Variants in GAB4 observed in about 807,000 individuals in gnomAD.
GAB4 encodes GRB2 associated binding protein family member 4, also known as GRB2-associated-binding protein 4.
In GAB4, 26 loss-of-function variants were observed where a neutral mutation model predicts 51.3. The observed-to-expected ratio is 0.51, with a 90% CI of 0.37 to 0.70. GAB4 has a LOEUF of 0.70. Ranked by LOEUF, GAB4 falls within the 30% of genes least tolerant of loss-of-function variation. GAB4 has a pLI of 0.00. For missense variants in GAB4, 759 were observed against 734.6 expected (o/e 1.03, Z -0.38); for synonymous variants, 329 against 291.2 (o/e 1.13, Z -1.32).
intron 3 of GAB4, among the ~76,000 whole-genome samples, chr22:16,986,243 T>C (rs2060866327): frequency 6.6e-6 from 1 of 152,192 alleles, no homozygotes; most frequent in South Asian, 2.1e-4. Context: ...GGCAGGACTG[T>C]AGGACCCACC....
At position 16,964,770 on chromosome 22, in the gene GAB4, A is replaced by T; in HGVS notation, c.1472T>A (p.Phe491Tyr). The T allele has an allele frequency of 6.2e-7, 1 of 1,610,662 alleles. No individual in the cohort carries two copies. Among genetic ancestry groups the T allele is most frequent in the Non-Finnish European group, 8.5e-7 (1 of 1,177,064 alleles). ...CAGTGACCCCCAAGGACTCACCGGG[A>T]AAAGATACCTCTCTCCACTGTCTTC... is the stretch of plus-strand genomic sequence containing the variant. ...DSEDSGERYL[F>Y]PNPASAFPVS... is the part of the protein sequence containing the mutation. The change falls in exon 8 of 10, where the codon TTC becomes TAC. Residue 491 changes from phenylalanine (F) to tyrosine (Y), a missense_variant. Phe to Tyr is a conservative substitution (Grantham distance 22, BLOSUM62 3). Coordinates refer to ENST00000400588, the MANE Select transcript of GAB4 (RefSeq NM_001037814.1).
At chr22:16,970,648 G>T (rs2060723123) in intron 3 of GAB4, among the ~76,000 whole-genome samples, 1 of 152,142 alleles carries the variant, frequency 6.6e-6, no homozygotes, top group Admixed American at 6.5e-5. Context: ...GGTGGGGAGA[G>T]CTTTGAAGTG....
At chr22:16,968,599 C>G (rs1429242984) in intron 4 of GAB4, among the ~76,000 whole-genome samples, 1 of 152,116 alleles carries the variant, frequency 6.6e-6, no homozygotes, top group East Asian at 1.9e-4. Flanking sequence ...ACACAGTGTC[C>G]CTCCTGGATG....
At chr22:16,996,547 G>T (rs2060950540) in intron 1 of GAB4, among the ~76,000 whole-genome samples, 1 of 152,114 alleles carries the variant, frequency 6.6e-6, no homozygotes, top group Admixed American at 6.5e-5. Context: ...AAATGGTAAG[G>T]GCAGCCAGAG....
chr22:16,966,573 G>A, intron 5 of GAB4: 1 of 570,872 alleles, frequency 1.8e-6, no homozygotes, highest in Non-Finnish European at 3.1e-6. Flanking sequence ...GGCCCCTCTG[G>A]GCAGCCTCAG....
intron 1 of GAB4, among the ~76,000 whole-genome samples, chr22:17,005,806 C>T (rs2061035852): frequency 6.6e-6 from 1 of 152,162 alleles, no homozygotes; most frequent in South Asian, 2.1e-4. Context: ...GGGCAGAAAA[C>T]TGAAAGTGGA....
In GAB4 at chr22:16,963,817, C is replaced by T. The variant is rs1297094159; in HGVS notation, c.1489G>A (p.Ala497Thr). The T allele has an allele frequency of 6.2e-7, 1 of 1,613,698 alleles. No individual in the cohort carries two copies. The highest frequency in any genetic ancestry group is 8.5e-7 in the Non-Finnish European group (1 of 1,179,822). Residue 497 changes from alanine to threonine, a missense_variant, in exon 9 of 10, where the codon GCA (alanine) becomes ACA (threonine). Physicochemically the swap from Ala to Thr is moderately conservative, Grantham distance 58. Coordinates refer to ENST00000400588, the MANE Select transcript of GAB4 (RefSeq NM_001037814.1). Reference sequence around the variant, plus strand: ...CTGGTGCCACCGGAAACAGGAAATGCAGATGCCGGGTTCTGCTGTCACAAG... The same window carrying T: ...CTGGTGCCACCGGAAACAGGAAATGTAGATGCCGGGTTCTGCTGTCACAAG... ...ERYLFPNPAS[A>T]FPVSGGTSSS...
intron 1 of GAB4, among the ~76,000 whole-genome samples, chr22:17,003,549 T>C (rs950493650): frequency 3.3e-5 from 5 of 152,120 alleles, no homozygotes; most frequent in Admixed American, 1.3e-4. Flanking sequence ...CACAACTACA[T>C]GGAAACTGAA....
rs368140874 is a variant in GAB4, at chr22:16,970,014, C to A, written c.866G>T (p.Arg289Ile). ...HNAEFRGSTH[R>I]IPWSLASHGH... ...ATGGGAGGCCAGGCTCCAGGGGATT[C>A]TGTGGGTGCTGCCTCTGAATTCTGC... The change falls in exon 4 of 10, where the codon AGA (arginine) becomes ATA (isoleucine). Residue 289 changes from arginine (R) to isoleucine (I), a missense_variant. Around this residue, in one of 3 missense-constraint regions of GAB4, gnomAD observed 588 missense variants for 510.2 expected, o/e 1.15. Transcript: ENST00000400588. 58 of 1,614,052 alleles carry A rather than the reference C, an allele frequency of 3.6e-5. No homozygotes were observed. The highest frequency in any genetic ancestry group is 4.3e-5 in the Non-Finnish European group (51 of 1,180,028).
intron 4 of GAB4, chr22:16,969,579 C>A: frequency 2.0e-6 from 1 of 496,176 alleles, no homozygotes; most frequent in South Asian, 4.6e-5. Context: ...CACCTCCCCT[C>A]TCCCTCTGGG....
intron 4 of GAB4, 99 bp from the exon 5 acceptor site, chr22:16,968,482 T>C: frequency 1.2e-6 from 1 of 827,156 alleles, no homozygotes; most frequent in Non-Finnish European, 2.1e-6. Context: ...GCTGATGCTC[T>C]AGAGGACACG....
chr22:16,969,690 C>T (rs1387081087), intron 4 of GAB4: 3 of 651,390 alleles, frequency 4.6e-6, no homozygotes, highest in Non-Finnish European at 8.2e-6. Context: ...CCACCTGCTA[C>T]TTTCACTGAC....
chr22:16,963,562 A>G (rs537609782), intron 9 of GAB4, among the ~76,000 whole-genome samples, 163 bp downstream of exon 9: 3 of 152,158 alleles, frequency 2.0e-5, no homozygotes, highest in African/African-American at 7.2e-5. Context: ...AAGGAACAGG[A>G]GCCCCGAGAT....
chr22:16,967,986 T>A (rs1428158190), intron 5 of GAB4, among the ~76,000 whole-genome samples: 1 of 152,128 alleles, frequency 6.6e-6, no homozygotes, highest in African/African-American at 2.4e-5. Flanking sequence ...GCACTCCTGC[T>A]CCAGGGGACC....
intron 1 of GAB4, among the ~76,000 whole-genome samples, chr22:16,993,541 C>G (rs1280435773): frequency 6.6e-6 from 1 of 152,100 alleles, no homozygotes; most frequent in African/African-American, 2.4e-5. Flanking sequence ...ATAATCATAC[C>G]TTTGCTTCTT....
At position 16,962,556 on chromosome 22, in the gene GAB4, G is replaced by A; in HGVS notation, c.*177C>T. On this transcript the variant is annotated 3_prime_UTR_variant, in exon 10 of 10. Transcript: ENST00000400588. ...AACTGCTCCTAGCAAGGGGGTGAAG[G>A]TGGGGACCATGGCCAGCCAAAGGCA... 2.1e-6 allele frequency: 1 copy of A among 476,842 alleles called. No homozygotes were observed. Among genetic ancestry groups the A allele is most frequent in the Non-Finnish European group, 3.6e-6 (1 of 279,000 alleles). 29.5% of individuals were successfully genotyped at this position (476,842 alleles called of 1,614,324 possible). A position where few individuals can be genotyped will look rare whatever the true frequency, so the allele number is the denominator to read the frequency against.
At chr22:16,997,557 T>C (rs908970903) in intron 1 of GAB4, among the ~76,000 whole-genome samples, 14 of 152,340 alleles carry the variant, frequency 9.2e-5, no homozygotes, top group African/African-American at 2.9e-4. Flanking sequence ...GTCAGATGGG[T>C]AGATTGTAAA....
intron 1 of GAB4, among the ~76,000 whole-genome samples, chr22:16,993,858 C>G (rs1289090316): frequency 6.6e-6 from 1 of 152,188 alleles, no homozygotes; most frequent in Non-Finnish European, 1.5e-5. Flanking sequence ...AGAATCTGCA[C>G]CTGATCCGCC....
intron 1 of GAB4, among the ~76,000 whole-genome samples, chr22:16,992,484 C>T (rs2060922233): frequency 6.6e-6 from 1 of 152,162 alleles, no homozygotes; most frequent in Non-Finnish European, 1.5e-5. Context: ...CAATGCATAG[C>T]ACTTTTAGAC....
Sources: gnomAD v4.1 joint callset for allele counts (sites outside exome capture counted in the v4.1 genomes callset) on GRCh38, gnomAD v4.1.1 for gene constraint, gnomAD v4.1.1 regional missense constraint, MANE v1.5 for transcripts, NCBI Gene and HGNC (gene_info 2026-07-23, HGNC 2026-07-21) for gene names.